The following RBM47 variants were observed in gnomAD, a reference collection of about 807,000 sequenced individuals.
RBM47 encodes RNA-binding protein 47.
A neutral mutation model predicts 47.1 loss-of-function variants in RBM47; 21 were observed. The ratio of observed to expected loss-of-function variants is 0.45; its 90% CI spans 0.32 to 0.64. RBM47 has a LOEUF of 0.64. RBM47 is among the 30% of genes least tolerant of loss of function. The probability of loss-of-function intolerance (pLI) is 0.05; values close to 1 mark genes in which losing one functional copy is unlikely to be tolerated. For synonymous variants in RBM47, 375 were observed against 361.7 expected, an observed-to-expected ratio of 1.04 and a Z score of -0.42; for missense variants, 708 against 870.9, an observed-to-expected ratio of 0.81 and a Z score of 2.35.
chr4:40,446,581 T>C (rs1001958730), intron 3 of RBM47, among the ~76,000 whole-genome samples: 4 of 151,448 alleles, frequency 2.6e-5, no homozygotes, highest in Admixed American at 2.6e-4. Context: ...CTACAAAAAT[T>C]TAAAAAATTA....
rs1414025232 is a variant in RBM47 at position 40,509,607 on chromosome 4, C to T, written c.-155+34815G>A. Among the ~76,000 whole-genome samples, 6 of 152,088 alleles carry T rather than the reference C, an allele frequency of 3.9e-5. 1 individual carries two copies. The highest frequency in any genetic ancestry group is 3.3e-4 in the Admixed American group (5 of 15,280). ...TAAAAAGTAAAGAAACTGGGCCGGG[C>T]GCGGTGGCTTACGCCTGTAATCCCA... On this transcript the variant is annotated intron_variant, in intron 2 of 6. Coordinates refer to ENST00000295971, the MANE Select transcript of RBM47 (RefSeq NM_001098634.2).
At chr4:40,613,637 A>C (rs1173578702) in intron 1 of RBM47, among the ~76,000 whole-genome samples, 1 of 152,082 alleles carries the variant, frequency 6.6e-6, no homozygotes, top group African/African-American at 2.4e-5. Flanking sequence ...AAACTAAAGA[A>C]AGGAATGCTG....
At chr4:40,508,429 G>A (rs1390665731) in intron 2 of RBM47, among the ~76,000 whole-genome samples, 1 of 152,130 alleles carries the variant, frequency 6.6e-6, no homozygotes, top group African/African-American at 2.4e-5. Context: ...GCACAGATAG[G>A]GAATGATTTT....
At position 40,489,804 on chromosome 4, in the gene RBM47, C is replaced by CTT. The variant is rs567517006; in HGVS notation, c.-154-23107_-154-23106dup. Among the ~76,000 whole-genome samples the CTT allele has an allele frequency of 1.5e-3, 224 of 152,322 alleles. 1 individual carries two copies. The highest frequency in any genetic ancestry group is 5.2e-3 in the African/African-American group (217 of 41,572). ...CCAAAAAACAGAAGGGACTAGAACA[C>CTT]TTCCCACTGAGGCCAGTATTACATG... On this transcript the variant is annotated intron_variant, in intron 2 of 6. Coordinates refer to ENST00000295971, the MANE Select transcript of RBM47 (RefSeq NM_001098634.2).
intron 1 of RBM47, among the ~76,000 whole-genome samples, chr4:40,623,673 G>A (rs1227311406): frequency 1.3e-5 from 2 of 152,092 alleles, no homozygotes; most frequent in African/African-American, 4.8e-5. Context: ...ACCACGCTCA[G>A]CTCTTCACTC....
chr4:40,533,326 T>C (rs1366996684), intron 2 of RBM47, among the ~76,000 whole-genome samples: 1 of 151,228 alleles, frequency 6.6e-6, no homozygotes, highest in Non-Finnish European at 1.5e-5. Context: ...CTCAGCTACT[T>C]GGGAGGCTGA....
chr4:40,587,208 G>A lies in RBM47; in HGVS notation c.-240+42188C>T, dbSNP rs547393816. On this transcript the variant is annotated intron_variant, in intron 1 of 6. Coordinates refer to ENST00000295971, the MANE Select transcript of RBM47 (RefSeq NM_001098634.2). ...CATCTAGAGACAAGCGGGGGAAAAC[G>A]GGAAGAACAGTTTGAACAGACTCAG... is the stretch of plus-strand genomic sequence containing the variant. Among the ~76,000 whole-genome samples, 45 of 152,220 alleles carry A rather than the reference G, an allele frequency of 3.0e-4. No individual in the cohort carries two copies. In the East Asian group the frequency reaches 7.0e-3, roughly 24 times the overall value.
chr4:40,570,391 T>C (rs1307302113), intron 1 of RBM47, among the ~76,000 whole-genome samples: 2 of 151,876 alleles, frequency 1.3e-5, no homozygotes, highest in African/African-American at 4.8e-5. Context: ...GATTCTCATA[T>C]GAAGCCTGCA....
At chr4:40,537,224 A>G (rs1002595324) in intron 2 of RBM47, among the ~76,000 whole-genome samples, 4 of 150,772 alleles carry the variant, frequency 2.7e-5, no homozygotes, top group South Asian at 4.2e-4. Flanking sequence ...CAATCGTCCC[A>G]CCTCAGCCTC....
chr4:40,489,625 A>G (rs1319612827), intron 2 of RBM47, among the ~76,000 whole-genome samples: 1 of 152,266 alleles, frequency 6.6e-6, no homozygotes, highest in Non-Finnish European at 1.5e-5. Context: ...AGACTCAAGA[A>G]GAAATAGAAT....
intron 2 of RBM47, among the ~76,000 whole-genome samples, chr4:40,472,519 G>A (rs575262041): frequency 9.1e-5 from 13 of 143,562 alleles, no homozygotes; most frequent in South Asian, 6.4e-4. Context: ...CTGAGATCAC[G>A]CCATTGCACC....
chr4:40,448,300 A>AGTGT (rs142525082), intron 3 of RBM47, among the ~76,000 whole-genome samples: 1 of 151,538 alleles, frequency 6.6e-6, no homozygotes, highest in Admixed American at 6.6e-5. Flanking sequence ...TGTGTGTTTG[A>AGTGT]GTGTGTGTGT....
rs139448141 is a variant in RBM47, at chr4:40,425,887, C to A, written c.*17G>T. On this transcript the variant is annotated 3_prime_UTR_variant, in exon 7 of 7. Coordinates refer to ENST00000295971, the MANE Select transcript of RBM47 (RefSeq NM_001098634.2). ...CAGTGGTGTTTGTGTGGTCTGTCTTCGTGCTGGTCACCAGCCTCAGTATGT... is the reference window on the plus strand; with the variant it reads ...CAGTGGTGTTTGTGTGGTCTGTCTTAGTGCTGGTCACCAGCCTCAGTATGT... 1 of 1,612,964 alleles carries A rather than the reference C, an allele frequency of 6.2e-7. No individual in the cohort carries two copies. The highest frequency in any genetic ancestry group is 8.5e-7 in the Non-Finnish European group (1 of 1,179,302).
chr4:40,616,922 C>CT (rs1251812278), intron 1 of RBM47, among the ~76,000 whole-genome samples: 2 of 139,714 alleles, frequency 1.4e-5, no homozygotes, highest in Non-Finnish European at 3.0e-5. Flanking sequence ...GTCGCCCAGG[C>CT]TGGAGTGCAG....
rs559764579 is a variant in RBM47 at position 40,481,609 on chromosome 4, T to G, written c.-154-14910A>C. Among the ~76,000 whole-genome samples, 595 of 150,044 alleles carry G rather than the reference T, an allele frequency of 4.0e-3. 6 individuals carry two copies. Among genetic ancestry groups the G allele is most frequent in the South Asian group, 0.025 (116 of 4,720 alleles). ...CTCTGTTGCCCAGGCTAGAGTGCAG[T>G]GGCATGATCTCAGCTCACTGCAACC... On this transcript the variant is annotated intron_variant, in intron 2 of 6. Coordinates refer to ENST00000295971, the MANE Select transcript of RBM47 (RefSeq NM_001098634.2).
chr4:40,483,543 G>C (rs900682813), intron 2 of RBM47, among the ~76,000 whole-genome samples: 1 of 152,138 alleles, frequency 6.6e-6, no homozygotes, highest in Admixed American at 6.5e-5. Context: ...AAGATCACTG[G>C]TGTGCAGCCG....
chr4:40,454,576 C>T (rs1435963558), intron 3 of RBM47, among the ~76,000 whole-genome samples: 2 of 152,194 alleles, frequency 1.3e-5, no homozygotes, highest in Non-Finnish European at 2.9e-5. Context: ...CAGCTCACTG[C>T]AATCTCCGCC....
At chr4:40,608,695 A>G (rs184172459) in intron 1 of RBM47, among the ~76,000 whole-genome samples, 1,715 of 152,350 alleles carry the variant, frequency 0.011, 115 homozygotes, top group Admixed American at 0.099. Context: ...TGTTGCAGCA[A>G]TAACCATTTT....
chr4:40,527,009 T>C (rs1726794338), intron 2 of RBM47, among the ~76,000 whole-genome samples: 1 of 152,142 alleles, frequency 6.6e-6, no homozygotes, highest in Non-Finnish European at 1.5e-5. Context: ...TACCTCTCCA[T>C]CTGACTTGCC....
Sources: gnomAD v4.1 joint callset for allele counts (sites outside exome capture counted in the v4.1 genomes callset) on GRCh38, gnomAD v4.1.1 for gene constraint, MANE v1.5 for transcripts, NCBI Gene and HGNC (gene_info 2026-07-23, HGNC 2026-07-21) for gene names.